Variants in PARD6A observed in about 807,000 individuals in gnomAD.
The protein encoded by PARD6A is partitioning defective 6 homolog alpha.
A neutral mutation model predicts 21.3 loss-of-function variants in PARD6A; 20 were observed. The observed-to-expected ratio is 0.94, with a 90% confidence interval of 0.66 to 1.36. The LOEUF (loss-of-function observed/expected upper bound fraction) is 1.36, where lower values mean the gene tolerates loss of function less well. Ranked by LOEUF, PARD6A falls within the 40% of genes most tolerant of loss-of-function variation. The pLI is 0.00. For missense variants in PARD6A, 411 were observed against 482.0 expected (o/e 0.85, Z 1.38); for synonymous variants, 214 against 204.8 (o/e 1.04, Z -0.38).
rs2053010478 is a variant in PARD6A at position 67,661,269 on chromosome 16, T to C, written c.63+168T>C. On this transcript the variant is annotated intron_variant, in intron 1 of 2. Coordinates refer to ENST00000458121, the MANE Select transcript of PARD6A (RefSeq NM_001037281.2). This position sits in a 1 kb window ranked among gnomAD's most constrained non-coding sequence, Gnocchi z 7.0. ...TTCCTCCACTGCTGGTCTCCAGCTC[T>C]CTGTGGCCTGAGTACCTGGAGGGCG... is the stretch of plus-strand genomic sequence containing the variant. 8 of 1,016,904 alleles carry C rather than the reference T, an allele frequency of 7.9e-6. 1 individual carries two copies. The South Asian group carries it at 1.2e-4, about 15-fold the overall frequency. 63.0% of individuals were successfully genotyped at this position (1,016,904 alleles called of 1,614,324 possible).
rs778432528 is a variant in PARD6A at position 67,661,700 on chromosome 16, G to T, written c.286+23G>T. 6.2e-7 allele frequency: 1 copy of T among 1,601,664 alleles called. No individual in the cohort carries two copies. Among genetic ancestry groups the T allele is most frequent in the Non-Finnish European group, 8.5e-7 (1 of 1,178,592 alleles). On this transcript the variant is annotated intron_variant, in intron 2 of 2. Transcript: ENST00000458121. This position sits in a 1 kb window ranked among gnomAD's most constrained non-coding sequence, Gnocchi z 7.0. ...GGGGTGAGGAGGGGTACAGTGGGCAGCCTCTGTGGGGTAAGGTGTCTGTGG... is the reference window on the plus strand; with the variant it reads ...GGGGTGAGGAGGGGTACAGTGGGCATCCTCTGTGGGGTAAGGTGTCTGTGG...
At position 67,661,132 on chromosome 16, in the gene PARD6A, G is replaced by C. The variant is rs374942246; in HGVS notation, c.63+31G>C. 4.5e-6 allele frequency: 7 copies of C among 1,565,034 alleles called. No homozygotes were observed. The African/African-American group carries it at 9.5e-5, about 21-fold the overall frequency. ...GGCTCCTCCGGCCTCGGCCCTAGGC[G>C]CTCCCAATTCCCTCTTTCTCCCCTT... On this transcript the variant is annotated intron_variant, in intron 1 of 2. Coordinates refer to ENST00000458121, the MANE Select transcript of PARD6A (RefSeq NM_001037281.2). The surrounding 1 kb of genome is among the most constrained non-coding windows in gnomAD (Gnocchi z 7.0).
chr16:67,662,242 T>C lies in PARD6A; in HGVS notation c.633T>C (p.Ser211=), dbSNP rs1229210289. Residue 211 remains serine, a synonymous_variant, in exon 3 of 3, where the codon AGT becomes AGC. Coordinates refer to ENST00000458121, the MANE Select transcript of PARD6A (RefSeq NM_001037281.2). This position sits in a 1 kb window ranked among gnomAD's most constrained non-coding sequence, Gnocchi z 6.9. ...AGAGTACAGGGCTGCTGGCGGTCAG[T>C]GATGAGATCCTCGAGGTCAATGGCA... ...LAESTGLLAV[S]DEILEVNGIE... The C allele has an allele frequency of 6.2e-7, 1 of 1,614,030 alleles. No homozygotes were observed. Among genetic ancestry groups the C allele is most frequent in the Admixed American group, 1.7e-5 (1 of 60,018 alleles).
chr16:67,662,203 TG>T lies in PARD6A; in HGVS notation c.599del (p.Gly200ValfsTer23). 6.2e-7 allele frequency: 1 copy of T among 1,613,648 alleles called. No individual in the cohort carries two copies. Among genetic ancestry groups the T allele is most frequent in the Non-Finnish European group, 8.5e-7 (1 of 1,179,922 alleles). The part of the protein sequence containing the change: ...PGIFISRLVR[G>X]GLAESTGLLA... Reference sequence around the variant, plus strand: ...GAATCTTCATCTCCCGCCTGGTACGTGGGGGTCTGGCTGAGAGTACAGGGCT... The same window carrying T: ...GAATCTTCATCTCCCGCCTGGTACGTGGGGTCTGGCTGAGAGTACAGGGCT... On this transcript the variant is annotated frameshift_variant, in exon 3 of 3. Transcript: ENST00000458121. LOFTEE classifies it high-confidence loss of function. This position sits in a 1 kb window ranked among gnomAD's most constrained non-coding sequence, Gnocchi z 6.9.
At position 67,661,828 on chromosome 16, in the gene PARD6A, G is replaced by C; in HGVS notation, c.287-68G>C. 1 of 1,537,280 alleles carries C rather than the reference G, an allele frequency of 6.5e-7. No homozygotes were observed. Among genetic ancestry groups the C allele is most frequent in the Non-Finnish European group, 8.7e-7 (1 of 1,149,278 alleles). The stretch of plus-strand genomic sequence containing the variant: ...CTAAGTGGTAGGAAATAGCTACAGT[G>C]CCCCCTGTAAACAGCCCAAGTCGGG... On this transcript the variant is annotated intron_variant, in intron 2 of 2. Coordinates refer to ENST00000458121, the MANE Select transcript of PARD6A (RefSeq NM_001037281.2). The surrounding 1 kb of genome is among the most constrained non-coding windows in gnomAD (Gnocchi z 7.0).
rs192207041 is a variant in PARD6A at position 67,662,668 on chromosome 16, G to A, written c.*21G>A. On this transcript the variant is annotated 3_prime_UTR_variant, in exon 3 of 3. Coordinates refer to ENST00000458121, the MANE Select transcript of PARD6A (RefSeq NM_001037281.2). The surrounding 1 kb of genome is among the most constrained non-coding windows in gnomAD (Gnocchi z 6.9). ...TCTGACAGTCAGGATGAAGCCCCAT[G>A]CCACTCCACACTGCTGGGACATGGC... is the stretch of plus-strand genomic sequence containing the variant. 14,826 of 1,522,292 alleles carry A rather than the reference G, an allele frequency of 9.7e-3. 91 individuals are homozygous for A. The highest frequency in any genetic ancestry group is 0.012 in the Non-Finnish European group (13,296 of 1,134,992). 94.3% of individuals were successfully genotyped at this position (1,522,292 alleles called of 1,614,324 possible). A position where few individuals can be genotyped will look rare whatever the true frequency, so the allele number is the denominator to read the frequency against.
At position 67,661,070 on chromosome 16, in the gene PARD6A, G is replaced by A. The variant is rs541841503; in HGVS notation, c.32G>A (p.Ser11Asn). 49 of 1,606,874 alleles carry A rather than the reference G, an allele frequency of 3.0e-5. No individual in the cohort carries two copies. The Admixed American group carries it at 5.2e-4, about 17-fold the overall frequency. Residue 11 changes from serine (S) to asparagine (N), a missense_variant, in exon 1 of 3, where the codon AGT becomes AAT. By Grantham distance (46) the Ser-to-Asn change is conservative. Coordinates refer to ENST00000458121, the MANE Select transcript of PARD6A (RefSeq NM_001037281.2). This position sits in a 1 kb window ranked among gnomAD's most constrained non-coding sequence, Gnocchi z 7.0. ...CGGCCGCAGAGGACTCCGGCGCGCA[G>A]TCCCGATAGCATCGTCGAGGTGAAG... is the stretch of plus-strand genomic sequence containing the variant. MARPQRTPAR[S>N]PDSIVEVKSK...
chr16:67,662,163 T>C lies in PARD6A; in HGVS notation c.554T>C (p.Leu185Pro). 6.2e-7 allele frequency: 1 copy of C among 1,613,902 alleles called. No homozygotes were observed. Among genetic ancestry groups the C allele is most frequent in the Non-Finnish European group, 8.5e-7 (1 of 1,179,998 alleles). Residue 185 changes from leucine to proline, a missense_variant, in exon 3 of 3, where the codon CTG (leucine) becomes CCG (proline). Coordinates refer to ENST00000458121, the MANE Select transcript of PARD6A (RefSeq NM_001037281.2). The surrounding 1 kb of genome is among the most constrained non-coding windows in gnomAD (Gnocchi z 6.9). ...AGCGTGCGTGTGGCTCCCCAGGGCC[T>C]GGAGCGGGTTCCAGGAATCTTCATC... ...GMSVRVAPQG[L>P]ERVPGIFISR...
rs777769637 is a variant in PARD6A, at chr16:67,661,002, C to T, written c.-37C>T. The T allele has an allele frequency of 3.4e-6, 4 of 1,175,882 alleles. No individual in the cohort carries two copies. The African/African-American group carries it at 4.9e-5, about 14-fold the overall frequency. 72.8% of individuals were successfully genotyped at this position (1,175,882 alleles called of 1,614,324 possible). On this transcript the variant is annotated 5_prime_UTR_variant, in exon 1 of 3. Coordinates refer to ENST00000458121, the MANE Select transcript of PARD6A (RefSeq NM_001037281.2). This position sits in a 1 kb window ranked among gnomAD's most constrained non-coding sequence, Gnocchi z 7.0. ...GCTGTGCACCTGCGCCTCGGCGGGCCGCCTGGGGCACCGTCCCCGGCCCGC... is the reference window on the plus strand; with the variant it reads ...GCTGTGCACCTGCGCCTCGGCGGGCTGCCTGGGGCACCGTCCCCGGCCCGC...
At position 67,661,664 on chromosome 16, in the gene PARD6A, G is replaced by A; in HGVS notation, c.273G>A (p.Leu91=). The A allele has an allele frequency of 2.5e-6, 4 of 1,608,506 alleles. No individual in the cohort carries two copies. Among genetic ancestry groups the A allele is most frequent in the Non-Finnish European group, 3.4e-6 (4 of 1,179,794 alleles). The change falls in exon 2 of 3, where the codon CTG becomes CTA. Residue 91 remains leucine (L), a synonymous_variant. Coordinates refer to ENST00000458121, the MANE Select transcript of PARD6A (RefSeq NM_001037281.2). The surrounding 1 kb of genome is among the most constrained non-coding windows in gnomAD (Gnocchi z 7.0). ...LASGPPPLRL[L]VQKREADSSG... ...GCGGGCCCCCGCCACTGCGCCTACTGGTGCAGAAGCGGGGTGAGGAGGGGT... is the reference window on the plus strand; with the variant it reads ...GCGGGCCCCCGCCACTGCGCCTACTAGTGCAGAAGCGGGGTGAGGAGGGGT...
In PARD6A at chr16:67,661,562, G is replaced by C. The variant is rs1217705113; in HGVS notation, c.171G>C (p.Val57=). Residue 57 remains valine, a synonymous_variant, in exon 2 of 3, where the codon GTG becomes GTC. Coordinates refer to ENST00000458121, the MANE Select transcript of PARD6A (RefSeq NM_001037281.2). This position sits in a 1 kb window ranked among gnomAD's most constrained non-coding sequence, Gnocchi z 7.0. ...RAVHQIPGLD[V]LLGYTDAHGD... is the part of the protein sequence containing the mutation. ...TGCACCAGATCCCGGGCCTGGACGT[G>C]CTACTTGGCTATACGGATGCTCATG... 1 of 1,610,470 alleles carries C rather than the reference G, an allele frequency of 6.2e-7. No homozygotes were observed. Among genetic ancestry groups the C allele is most frequent in the Admixed American group, 1.7e-5 (1 of 60,032 alleles).
Position 67,661,589 on chromosome 16 carries a change from C to T in PARD6A, c.198C>T (p.Gly66=), listed in dbSNP as rs773720724. 211 of 1,609,658 alleles carry T rather than the reference C, an allele frequency of 1.3e-4. No individual in the cohort carries two copies. Among genetic ancestry groups the T allele is most frequent in the Non-Finnish European group, 1.7e-4 (196 of 1,179,956 alleles). The change falls in exon 2 of 3, where the codon GGC becomes GGT. Residue 66 remains glycine, a synonymous_variant. Coordinates refer to ENST00000458121, the MANE Select transcript of PARD6A (RefSeq NM_001037281.2). The surrounding 1 kb of genome is among the most constrained non-coding windows in gnomAD (Gnocchi z 7.0). ...DVLLGYTDAH[G]DLLPLTNDDS... ...TACTTGGCTATACGGATGCTCATGG[C>T]GACCTGCTGCCCCTCACCAACGACG...
In PARD6A at chr16:67,662,166, A is replaced by G. The variant is rs2053031995; in HGVS notation, c.557A>G (p.Glu186Gly). The G allele has an allele frequency of 7.4e-6, 12 of 1,612,960 alleles. No homozygotes were observed. The highest frequency in any genetic ancestry group is 9.3e-6 in the Non-Finnish European group (11 of 1,179,902). Residue 186 changes from glutamate to glycine, a missense_variant, in exon 3 of 3, where the codon GAG (glutamate) becomes GGG (glycine). Coordinates refer to ENST00000458121, the MANE Select transcript of PARD6A (RefSeq NM_001037281.2). This position sits in a 1 kb window ranked among gnomAD's most constrained non-coding sequence, Gnocchi z 6.9. ...MSVRVAPQGL[E>G]RVPGIFISRL... is the part of the protein sequence containing the mutation. Reference sequence around the variant, plus strand: ...GTGCGTGTGGCTCCCCAGGGCCTGGAGCGGGTTCCAGGAATCTTCATCTCC... The same window carrying G: ...GTGCGTGTGGCTCCCCAGGGCCTGGGGCGGGTTCCAGGAATCTTCATCTCC...
In PARD6A at chr16:67,661,290, G is replaced by A; in HGVS notation, c.64-165G>A. ...GCTCTCTGTGGCCTGAGTACCTGGA[G>A]GGCGGTAAGAAGACCTTGGACAGCG... On this transcript the variant is annotated intron_variant, in intron 1 of 2. Coordinates refer to ENST00000458121, the MANE Select transcript of PARD6A (RefSeq NM_001037281.2). The surrounding 1 kb of genome is among the most constrained non-coding windows in gnomAD (Gnocchi z 7.0). 2 of 1,068,084 alleles carry A rather than the reference G, an allele frequency of 1.9e-6. No homozygotes were observed. Among genetic ancestry groups the A allele is most frequent in the Admixed American group, 2.6e-5 (1 of 39,180 alleles). 66.2% of individuals were successfully genotyped at this position (1,068,084 alleles called of 1,614,324 possible).
chr16:67,662,086 G>T lies in PARD6A; in HGVS notation c.477G>T (p.Leu159=). 1 of 1,613,792 alleles carries T rather than the reference G, an allele frequency of 6.2e-7. No individual in the cohort carries two copies. Among genetic ancestry groups the T allele is most frequent in the Non-Finnish European group, 8.5e-7 (1 of 1,179,980 alleles). The change falls in exon 3 of 3, where the codon CTG becomes CTT. Residue 159 remains leucine (L), a synonymous_variant. Transcript: ENST00000458121. The surrounding 1 kb of genome is among the most constrained non-coding windows in gnomAD (Gnocchi z 6.9). ...LLPETHRRVR[L]HKHGSDRPLG... ...CTGAGACCCACCGACGGGTGCGGCT[G>T]CACAAGCATGGTTCAGACCGCCCCC...
chr16:67,661,526 G>T lies in PARD6A; in HGVS notation c.135G>T (p.Leu45Phe). Reference sequence around the variant, plus strand: ...GCGGCTTCCAGGAGTTCTCGCGGTTGCTGCGGGCGGTGCACCAGATCCCGG... The same window carrying T: ...GCGGCTTCCAGGAGTTCTCGCGGTTTCTGCGGGCGGTGCACCAGATCCCGG... ...SVSGFQEFSR[L>F]LRAVHQIPGL... Residue 45 changes from leucine to phenylalanine, a missense_variant, in exon 2 of 3, where the codon TTG (leucine) becomes TTT (phenylalanine). By Grantham distance (22) the Leu-to-Phe change is conservative. Coordinates refer to ENST00000458121, the MANE Select transcript of PARD6A (RefSeq NM_001037281.2). The surrounding 1 kb of genome is among the most constrained non-coding windows in gnomAD (Gnocchi z 7.0). 6.2e-7 allele frequency: 1 copy of T among 1,610,166 alleles called. No homozygotes were observed. The highest frequency in any genetic ancestry group is 1.6e-4 in the Middle Eastern group (1 of 6,062).
rs948813157 is a variant in PARD6A at position 67,661,841 on chromosome 16, A to G, written c.287-55A>G. The G allele has an allele frequency of 1.1e-5, 17 of 1,539,222 alleles. 1 individual carries two copies. Among genetic ancestry groups the G allele is most frequent in the Non-Finnish European group, 8.7e-7 (1 of 1,150,334 alleles). The stretch of plus-strand genomic sequence containing the variant: ...AATAGCTACAGTGCCCCCTGTAAAC[A>G]GCCCAAGTCGGGGAGCAGGTCTCTG... On this transcript the variant is annotated intron_variant, in intron 2 of 2. Transcript: ENST00000458121. This position sits in a 1 kb window ranked among gnomAD's most constrained non-coding sequence, Gnocchi z 7.0.
rs776065821 is a variant in PARD6A, at chr16:67,661,987, C to T, written c.378C>T (p.Thr126=). ...LLLRPVAPLR[T]RPPLLISLPQ... is the part of the protein sequence containing the mutation. The stretch of plus-strand genomic sequence containing the variant: ...TGCGGCCAGTGGCACCCCTGCGCAC[C>T]CGGCCACCCTTGCTAATCAGCCTGC... Residue 126 remains threonine, a synonymous_variant, in exon 3 of 3, where the codon ACC becomes ACT. Transcript: ENST00000458121. This position sits in a 1 kb window ranked among gnomAD's most constrained non-coding sequence, Gnocchi z 7.0. The T allele has an allele frequency of 3.1e-6, 5 of 1,613,216 alleles. No homozygotes were observed. The Admixed American group carries it at 8.3e-5, about 27-fold the overall frequency.
Position 67,661,318 on chromosome 16 carries a change from C to T in PARD6A, c.64-137C>T. 1.6e-6 allele frequency: 2 copies of T among 1,240,208 alleles called. No individual in the cohort carries two copies. The highest frequency in any genetic ancestry group is 2.5e-5 in the East Asian group (1 of 40,412). The allele number at this position is 1,240,208 out of a possible 1,614,324, so 76.8% of individuals were successfully genotyped here. On this transcript the variant is annotated intron_variant, in intron 1 of 2. Transcript: ENST00000458121. The surrounding 1 kb of genome is among the most constrained non-coding windows in gnomAD (Gnocchi z 7.0). ...CGGTAAGAAGACCTTGGACAGCGTC[C>T]CTGGTACTGGAGCTGAGGTCTGGGC...
Sources: allele counts gnomAD v4.1 joint callset, GRCh38; gene constraint gnomAD v4.1.1; non-coding constraint Gnocchi (gnomAD v3.1); transcripts MANE v1.5; gene names NCBI Gene and HGNC (gene_info 2026-07-23, HGNC 2026-07-21).